ZNF827: variants seen among roughly 807,000 people sequenced by gnomAD.
The protein encoded by ZNF827 is zinc finger protein 827.
Under a neutral mutation model 102.4 loss-of-function variants are expected in ZNF827, and 13 were observed. The ratio of observed to expected loss-of-function variants is 0.13; its 90% CI spans 0.08 to 0.20. The LOEUF is 0.20. Among genes scored for constraint, ZNF827 ranks in the 10% least tolerant of loss-of-function variants. The probability of loss-of-function intolerance (pLI) is 1.00; values close to 1 mark genes in which losing one functional copy is unlikely to be tolerated. For synonymous variants in ZNF827, 523 were observed against 536.2 expected, an observed-to-expected ratio of 0.98 and a Z score of 0.34; for missense variants, 1,103 against 1,344.4, an observed-to-expected ratio of 0.82 and a Z score of 2.81.
In ZNF827 at chr4:145,823,458, T is replaced by C. The variant is rs1226216975; in HGVS notation, c.2347A>G (p.Ser783Gly). The C allele has an allele frequency of 6.2e-7, 1 of 1,609,788 alleles. No individual in the cohort carries two copies. Among genetic ancestry groups the C allele is most frequent in the East Asian group, 2.2e-5 (1 of 44,696 alleles). The change falls in exon 8 of 15, where the codon AGT becomes GGT. Residue 783 changes from serine (S) to glycine (G), a missense_variant. Ser to Gly is a moderately conservative substitution (Grantham distance 56). Coordinates refer to ENST00000508784, the MANE Select transcript of ZNF827 (RefSeq NM_001306215.2). Reference sequence around the variant, plus strand: ...ATTCTTCCGTGCAGCACGGAGTCACTGGGCAGCAGTTCTTTTGAATTGGAG... The same window carrying C: ...ATTCTTCCGTGCAGCACGGAGTCACCGGGCAGCAGTTCTTTTGAATTGGAG... ...FTSNSKELLP[S>G]DSVLHGRISA...
At chr4:145,860,518 T>C (rs1481300608) in intron 5 of ZNF827, among the ~76,000 whole-genome samples, 2 of 152,234 alleles carry the variant, frequency 1.3e-5, no homozygotes, top group Admixed American at 6.5e-5. Context: ...TCTGATTTTG[T>C]ACCTAAGATA....
At chr4:145,911,759 C>G (rs976004425) in intron 1 of ZNF827, among the ~76,000 whole-genome samples, 3 of 152,142 alleles carry the variant, frequency 2.0e-5, no homozygotes, top group African/African-American at 7.2e-5. Flanking sequence ...GCTCAGATGT[C>G]CCAATACTAC....
chr4:145,763,233 T>C lies in ZNF827; in HGVS notation c.3231-111A>G. On this transcript the variant is annotated intron_variant, in intron 13 of 14. Coordinates refer to ENST00000508784, the MANE Select transcript of ZNF827 (RefSeq NM_001306215.2). This position sits in a 1 kb window ranked among gnomAD's most constrained non-coding sequence, Gnocchi z 4.6. ...AAGCAATTTAGACATCAGCAGTCTG[T>C]TTCATTTTAAGGACATTTCTGTGAC... 9.0e-7 allele frequency: 1 copy of C among 1,111,568 alleles called. No homozygotes were observed. Among genetic ancestry groups the C allele is most frequent in the South Asian group, 1.5e-5 (1 of 65,986 alleles). 68.9% of individuals were successfully genotyped at this position (1,111,568 alleles called of 1,614,324 possible).
intron 8 of ZNF827, among the ~76,000 whole-genome samples, chr4:145,819,437 T>G (rs1478001376): frequency 6.6e-6 from 1 of 152,186 alleles, no homozygotes; most frequent in East Asian, 1.9e-4. Context: ...AGCAAGATGA[T>G]GGGAAACAGG....
intron 1 of ZNF827, among the ~76,000 whole-genome samples, chr4:145,933,934 C>G: frequency 6.6e-6 from 1 of 152,188 alleles, no homozygotes; most frequent in East Asian, 1.9e-4. Context: ...CAGTTACCCA[C>G]TCTTCCATTT....
At chr4:145,843,340 C>T (rs1251395295) in intron 7 of ZNF827, among the ~76,000 whole-genome samples, 2 of 152,104 alleles carry the variant, frequency 1.3e-5, no homozygotes, top group Admixed American at 6.5e-5. Flanking sequence ...TCTTCCTTTG[C>T]TTTGGGCAAA....
chr4:145,834,282 CT>C (rs1744581588), intron 7 of ZNF827, among the ~76,000 whole-genome samples: 1 of 152,152 alleles, frequency 6.6e-6, no homozygotes, highest in African/African-American at 2.4e-5. Context: ...TTCCTAGTCT[CT>C]GTGCCCAGTG....
chr4:145,807,208 A>C (rs2126349978), intron 8 of ZNF827, among the ~76,000 whole-genome samples: 2 of 152,354 alleles, frequency 1.3e-5, no homozygotes, highest in South Asian at 4.1e-4. Flanking sequence ...GATGTTTAGC[A>C]GTCTCTGACA....
chr4:145,789,661 A>G (rs1231114851), intron 8 of ZNF827, among the ~76,000 whole-genome samples: 4 of 152,230 alleles, frequency 2.6e-5, no homozygotes, highest in African/African-American at 9.6e-5. Context: ...GTCTGACTAC[A>G]AAGCCCATAC....
Position 145,868,432 on chromosome 4 carries a change from A to G in ZNF827, c.1981+1813T>C, listed in dbSNP as rs141870148. On this transcript the variant is annotated intron_variant, in intron 5 of 14. Transcript: ENST00000508784. The stretch of plus-strand genomic sequence containing the variant: ...CATTTCCACATCACGAAGCAGGGGC[A>G]GATGCCCTTTGGAAACAGGACGTCA... Among the ~76,000 whole-genome samples the G allele has an allele frequency of 2.4e-3, 359 of 152,346 alleles. 10 individuals are homozygous for G. In the East Asian group the frequency reaches 0.053, roughly 23 times the overall value.
intron 8 of ZNF827, among the ~76,000 whole-genome samples, chr4:145,798,951 T>A (rs1740626663): frequency 6.6e-6 from 1 of 152,222 alleles, no homozygotes; most frequent in Admixed American, 6.5e-5. Flanking sequence ...ATCTCTGACA[T>A]TGTTGAAAAA....
intron 8 of ZNF827, among the ~76,000 whole-genome samples, chr4:145,784,059 TG>T (rs1738498702): frequency 6.6e-6 from 1 of 152,178 alleles, no homozygotes; most frequent in African/African-American, 2.4e-5. Flanking sequence ...GCTCTGGCCA[TG>T]TAACATGTGC....
intron 9 of ZNF827, among the ~76,000 whole-genome samples, chr4:145,779,130 C>T (rs61690657): frequency 7.2e-5 from 11 of 152,078 alleles, no homozygotes; most frequent in Non-Finnish European, 1.3e-4. Context: ...GGAATTTTAC[C>T]TGAATAAACC....
At chr4:145,807,291 T>G (rs1437496215) in intron 8 of ZNF827, among the ~76,000 whole-genome samples, 1 of 152,222 alleles carries the variant, frequency 6.6e-6, no homozygotes, top group African/African-American at 2.4e-5. Context: ...GAATCTTACC[T>G]TTGTTCCTTA....
intron 8 of ZNF827, among the ~76,000 whole-genome samples, chr4:145,819,080 A>C (rs573306102): frequency 3.9e-5 from 6 of 152,096 alleles, no homozygotes; most frequent in Non-Finnish European, 8.8e-5. Flanking sequence ...TTGTTTGTAC[A>C]TTATAAATAA....
At chr4:145,875,684 C>A (rs1749092116) in intron 4 of ZNF827, among the ~76,000 whole-genome samples, 1 of 152,118 alleles carries the variant, frequency 6.6e-6, no homozygotes, top group Non-Finnish European at 1.5e-5. Flanking sequence ...AGACAGAACT[C>A]TCCTTCAGTT....
intron 7 of ZNF827, among the ~76,000 whole-genome samples, chr4:145,828,881 A>C (rs1260415012): frequency 1.3e-5 from 2 of 152,172 alleles, no homozygotes; most frequent in Non-Finnish European, 2.9e-5. Context: ...ACATTTTGCT[A>C]AGTGCCTATT....
At chr4:145,918,352 A>C (rs955251831) in intron 1 of ZNF827, among the ~76,000 whole-genome samples, 3 of 149,888 alleles carry the variant, frequency 2.0e-5, no homozygotes, top group African/African-American at 4.9e-5. Flanking sequence ...AAAAAAAAAA[A>C]AAAAAAACTG....
At chr4:145,766,916 G>A (rs1197728365) in intron 11 of ZNF827, among the ~76,000 whole-genome samples, 1 of 152,138 alleles carries the variant, frequency 6.6e-6, no homozygotes, top group Non-Finnish European at 1.5e-5. Context: ...AATCATGAAA[G>A]CAAGACCCCA....
Sources: allele counts gnomAD v4.1 joint callset (sites outside exome capture counted in the v4.1 genomes callset), GRCh38; gene constraint gnomAD v4.1.1; non-coding constraint Gnocchi (gnomAD v3.1); transcripts MANE v1.5; gene names NCBI Gene and HGNC (gene_info 2026-07-23, HGNC 2026-07-21).